The following FBN2 variants were observed in gnomAD, a reference collection of about 807,000 sequenced individuals.
FBN2 encodes the protein fibrillin-2.
A neutral mutation model predicts 355.6 loss-of-function variants in FBN2; 105 were observed. The observed-to-expected ratio is 0.30, with a 90% confidence interval of 0.25 to 0.35. The LOEUF (loss-of-function observed/expected upper bound fraction) is 0.35. FBN2 is among the 10% of genes least tolerant of loss of function. The probability of loss-of-function intolerance (pLI) is 1.00; values close to 1 mark genes in which losing one functional copy is unlikely to be tolerated. For missense variants in FBN2, 3,280 were observed against 3,758.7 expected (o/e 0.87, Z 3.33); for synonymous variants, 1,350 against 1,301.2 (o/e 1.04, Z -0.81).
chr5:128,383,275 T>C (rs1752280443), intron 11 of FBN2, among the ~76,000 whole-genome samples: 1 of 151,986 alleles, frequency 6.6e-6, no homozygotes, highest in African/African-American at 2.4e-5. Context: ...CAAAGGGTGA[T>C]GGTTATTAAT....
At chr5:128,333,826 A>G (rs542594893) in intron 31 of FBN2, among the ~76,000 whole-genome samples, 3 of 142,662 alleles carry the variant, frequency 2.1e-5, no homozygotes, top group Non-Finnish European at 3.1e-5. Flanking sequence ...ATTACATATT[A>G]TAGATGCTGA....
At chr5:128,528,048 C>A in intron 3 of FBN2, 81 bp from the exon 4 acceptor site, 1 of 858,260 alleles carries the variant, frequency 1.2e-6, no homozygotes, top group Non-Finnish European at 2.0e-6. Flanking sequence ...AAACTATAAA[C>A]TCAATTATCC....
intron 8 of FBN2, among the ~76,000 whole-genome samples, chr5:128,405,374 G>A (rs550346382): frequency 6.6e-6 from 1 of 152,242 alleles, no homozygotes; most frequent in East Asian, 1.9e-4. Context: ...CAAGTGGTTA[G>A]AGATGACTCA....
intron 3 of FBN2, among the ~76,000 whole-genome samples, chr5:128,528,704 T>G (rs1756631773): frequency 1.3e-5 from 2 of 152,274 alleles, no homozygotes; most frequent in South Asian, 2.1e-4. Flanking sequence ...ACACAGGGCC[T>G]CCTCGGCCAC....
At position 128,361,793 on chromosome 5, in the gene FBN2, G is replaced by A. The variant is rs772182774; in HGVS notation, c.2484C>T (p.Asn828=). Residue 828 remains asparagine, a synonymous_variant, in exon 19 of 65, where the codon AAC becomes AAT. Coordinates refer to ENST00000262464, the MANE Select transcript of FBN2 (RefSeq NM_001999.4). The part of the protein sequence containing the change: ...RLLCDNGLCR[N]TPGSYSCTCP... ...ACGTACAGCTGTAACTTCCTGGCGT[G>A]TTTCGGCACAATCCGTTATCACAAA... The A allele has an allele frequency of 1.2e-6, 2 of 1,614,084 alleles. No homozygotes were observed. Among genetic ancestry groups the A allele is most frequent in the South Asian group, 1.1e-5 (1 of 91,076 alleles).
chr5:128,288,689 G>C (rs1749230600), intron 52 of FBN2, 132 bp from the exon 53 acceptor site: 3 of 998,170 alleles, frequency 3.0e-6, no homozygotes, highest in Admixed American at 1.8e-5. Flanking sequence ...GCATCCCTTG[G>C]GCCTTGGCTG....
Position 128,304,868 on chromosome 5 carries a change from T to C in FBN2, c.5800+89A>G, listed in dbSNP as rs1056102817. On this transcript the variant is annotated intron_variant, in intron 45 of 64. Transcript: ENST00000262464. ...TGCAAGATTGTTTCTGACAGAGACA[T>C]AGTAGTTACTCATGGCACTTGATGG... 3.3e-6 allele frequency: 5 copies of C among 1,498,752 alleles called. No homozygotes were observed. The East Asian group carries it at 6.8e-5, about 20-fold the overall frequency. The allele number at this position is 1,498,752 out of a possible 1,614,324, so 92.8% of individuals were successfully genotyped here. A position where few individuals can be genotyped will look rare whatever the true frequency, so the allele number is the denominator to read the frequency against.
At chr5:128,383,586 C>A (rs2126966093) in intron 11 of FBN2, among the ~76,000 whole-genome samples, 1 of 152,108 alleles carries the variant, frequency 6.6e-6, no homozygotes, top group East Asian at 1.9e-4. Flanking sequence ...GGACTTATAT[C>A]CAGAGTAAAC....
intron 5 of FBN2, among the ~76,000 whole-genome samples, chr5:128,505,983 G>T (rs1235112965): frequency 2.0e-5 from 3 of 152,082 alleles, no homozygotes; most frequent in African/African-American, 7.2e-5. Context: ...ATTTAGCTGG[G>T]GCAAATAAAG....
intron 15 of FBN2, among the ~76,000 whole-genome samples, chr5:128,371,459 C>T (rs1458213105): frequency 1.1e-5 from 1 of 88,638 alleles, no homozygotes; most frequent in African/African-American, 6.1e-5. Flanking sequence ...TCTTTTTCTC[C>T]TTCCTTCCTT....
intron 7 of FBN2, among the ~76,000 whole-genome samples, chr5:128,437,382 C>T (rs1024635823): frequency 5.9e-5 from 9 of 152,070 alleles, no homozygotes; most frequent in Non-Finnish European, 1.2e-4. Context: ...AGTTAAATTC[C>T]ACACAGCATT....
chr5:128,482,327 G>A (rs954815129), intron 5 of FBN2, among the ~76,000 whole-genome samples: 3 of 151,884 alleles, frequency 2.0e-5, no homozygotes, highest in Non-Finnish European at 4.4e-5. Context: ...GGCAGTAAAG[G>A]GCCAAGCAGG....
chr5:128,341,060 G>C lies in FBN2; in HGVS notation c.3344-1999C>G, dbSNP rs374604898. Reference sequence around the variant, plus strand: ...AATGAGTGTGGGTACAGGACGGACCGGTAGGATTACTAAAAGCCCCCAGCA... The same window carrying C: ...AATGAGTGTGGGTACAGGACGGACCCGTAGGATTACTAAAAGCCCCCAGCA... On this transcript the variant is annotated intron_variant, in intron 25 of 64. Coordinates refer to ENST00000262464, the MANE Select transcript of FBN2 (RefSeq NM_001999.4). Among the ~76,000 whole-genome samples the C allele has an allele frequency of 2.6e-5, 4 of 152,128 alleles. 1 individual carries two copies. The highest frequency in any genetic ancestry group is 4.1e-4 in the South Asian group (2 of 4,826).
At position 128,345,430 on chromosome 5, in the gene FBN2, G is replaced by A. The variant is rs1801167; in HGVS notation, c.3144C>T (p.Tyr1048=). 458 of 1,614,118 alleles carry A rather than the reference G, an allele frequency of 2.8e-4. 1 individual carries two copies. The African/African-American group carries it at 3.3e-3, about 11-fold the overall frequency. ...EECPKPGTKE[Y]ETLCPRGAGF... is the part of the protein sequence containing the mutation. ...CAGCCCCGCGGGGGCACAGCGTCTC[G>A]TATTCCTTGGTGCCAGGTTTGGGGC... Residue 1048 remains tyrosine (Y), a synonymous_variant, in exon 24 of 65, where the codon TAC becomes TAT. Transcript: ENST00000262464.
At chr5:128,319,270 G>C (rs1235505859) in intron 34 of FBN2, among the ~76,000 whole-genome samples, 1 of 151,846 alleles carries the variant, frequency 6.6e-6, no homozygotes, top group African/African-American at 2.4e-5. Flanking sequence ...TTAAAGAAGA[G>C]TTGGCTCAAG....
intron 8 of FBN2, among the ~76,000 whole-genome samples, chr5:128,408,134 T>C (rs1297318974): frequency 2.0e-5 from 3 of 152,198 alleles, no homozygotes; most frequent in Non-Finnish European, 4.4e-5. Context: ...ATAATCTCTA[T>C]GCTCGCAATA....
chr5:128,472,381 C>G (rs960305161), intron 5 of FBN2, among the ~76,000 whole-genome samples: 1 of 152,024 alleles, frequency 6.6e-6, no homozygotes, highest in African/African-American at 2.4e-5. Flanking sequence ...TGAAGGCTTA[C>G]TGTTTGTTTG....
intron 10 of FBN2, among the ~76,000 whole-genome samples, chr5:128,392,856 C>T (rs534128239): frequency 9.9e-5 from 15 of 151,948 alleles, no homozygotes; most frequent in Non-Finnish European, 1.9e-4. Context: ...TATGTATTTG[C>T]GAAGACCTGG....
chr5:128,280,527 CTTTCT>C (rs1765509035), intron 55 of FBN2, among the ~76,000 whole-genome samples: 1 of 151,950 alleles, frequency 6.6e-6, no homozygotes, highest in African/African-American at 2.4e-5. Context: ...TTGTCTTCTT[CTTTCT>C]TTTCTTTATC....
Sources: gnomAD v4.1 joint callset for allele counts (sites outside exome capture counted in the v4.1 genomes callset) on GRCh38, gnomAD v4.1.1 for gene constraint, MANE v1.5 for transcripts, NCBI Gene and HGNC (gene_info 2026-07-23, HGNC 2026-07-21) for gene names.